FLT1: variants seen among roughly 807,000 people sequenced by gnomAD.
FLT1 encodes the protein vascular endothelial growth factor receptor 1.
In FLT1, 49 loss-of-function variants were observed where a neutral mutation model predicts 156.3. That is an observed-to-expected ratio of 0.31 (90% CI 0.25 to 0.40). The LOEUF (loss-of-function observed/expected upper bound fraction) is 0.40, where lower values mean the gene tolerates loss of function less well. Ranked by LOEUF, FLT1 falls within the 10% of genes least tolerant of loss-of-function variation. The pLI, the probability that FLT1 is intolerant of heterozygous loss-of-function variation, is 1.00. For missense variants in FLT1, 1,322 were observed against 1,637.2 expected, an observed-to-expected ratio of 0.81 and a Z score of 3.32; for synonymous variants, 594 against 583.8, an observed-to-expected ratio of 1.02 and a Z score of -0.25.
chr13:28,346,423 C>T (rs532278223), intron 15 of FLT1: 5 of 152,256 alleles, frequency 3.3e-5, no homozygotes, highest in Admixed American at 2.6e-4. Flanking sequence ...AACTTAACTA[C>T]AATGAGACAG....
chr13:28,411,769 T>TA lies in FLT1; in HGVS notation c.1437-5876dup, dbSNP rs563881310. On this transcript the variant is annotated intron_variant, in intron 10 of 29. Transcript: ENST00000282397. ...GAGTACCCAACACCCGATGGCTGCCTATTTGAGCCAGAGCCATTGTCTGGG... is the reference window on the plus strand; with the variant it reads ...GAGTACCCAACACCCGATGGCTGCCTAATTTGAGCCAGAGCCATTGTCTGGG... Among the ~76,000 whole-genome samples, 43 of 152,240 alleles carry TA rather than the reference T, an allele frequency of 2.8e-4. No homozygotes were observed. In the East Asian group the frequency reaches 8.1e-3, roughly 29 times the overall value.
chr13:28,411,055 C>T (rs761982860), intron 10 of FLT1, among the ~76,000 whole-genome samples: 1 of 151,980 alleles, frequency 6.6e-6, no homozygotes, highest in Non-Finnish European at 1.5e-5. Context: ...AGTCAGACAC[C>T]AGGAAAATTA....
At chr13:28,371,233 T>C (rs180813456) in intron 14 of FLT1, among the ~76,000 whole-genome samples, 14 of 152,354 alleles carry the variant, frequency 9.2e-5, no homozygotes, top group Admixed American at 7.2e-4. Flanking sequence ...ATTTTCATCA[T>C]AACAGTGATG....
At chr13:28,389,571 G>C in intron 13 of FLT1, 1 of 1,438,190 alleles carries the variant, frequency 7.0e-7, no homozygotes, top group Middle Eastern at 2.6e-4. Context: ...CTGGGGCCCG[G>C]GGGTCTCATT....
At chr13:28,340,466 A>C (rs1475294303) in intron 16 of FLT1, among the ~76,000 whole-genome samples, 1 of 152,196 alleles carries the variant, frequency 6.6e-6, no homozygotes, top group Non-Finnish European at 1.5e-5. Context: ...TTTCCTGTTA[A>C]TGGGCAAATT....
Position 28,306,726 on chromosome 13 carries a change from T to A in FLT1, c.3767A>T (p.Lys1256Met). 1 of 1,614,034 alleles carries A rather than the reference T, an allele frequency of 6.2e-7. No individual in the cohort carries two copies. Among genetic ancestry groups the A allele is most frequent in the Non-Finnish European group, 8.5e-7 (1 of 1,179,930 alleles). The change falls in exon 29 of 30, where the codon AAG (lysine) becomes ATG (methionine). Residue 1256 changes from lysine (K) to methionine (M), a missense_variant. Physicochemically the swap from Lys to Met is moderately conservative, Grantham distance 95 (BLOSUM62 -1). This residue lies in a region of FLT1 where 329 missense variants were observed against 366.2 expected (regional missense o/e 0.90). Transcript: ENST00000282397. ...TTTGCTGTCAGTCCAGGTGAAGCGC[T>A]TCAGCATGGGAGAGGCCAACAGAGT... ...SSTLLASPMLKRFTWTDSKPK... is the reference protein window; with the variant it reads ...SSTLLASPMLMRFTWTDSKPK...
At chr13:28,422,794 A>T (rs549760049) in intron 10 of FLT1, among the ~76,000 whole-genome samples, 1 of 152,306 alleles carries the variant, frequency 6.6e-6, no homozygotes, top group South Asian at 2.1e-4. Context: ...GACTTTCAAC[A>T]TCTTAGATTC....
rs1872238347 is a variant in FLT1 at position 28,339,245 on chromosome 13, A to G, written c.2411T>C (p.Val804Ala). The G allele has an allele frequency of 6.2e-7, 1 of 1,609,326 alleles. No homozygotes were observed. Among genetic ancestry groups the G allele is most frequent in the Non-Finnish European group, 8.5e-7 (1 of 1,175,780 alleles). The change falls in exon 17 of 30, where the codon GTT (valine) becomes GCT (alanine). Residue 804 changes from valine to alanine, a missense_variant. Physicochemically the swap from Val to Ala is moderately conservative, Grantham distance 64. This residue lies in a region of FLT1 where 991 missense variants were observed against 1,254.8 expected (regional missense o/e 0.79). Coordinates refer to ENST00000282397, the MANE Select transcript of FLT1 (RefSeq NM_002019.4). ...YLSIIMDPDEVPLDEQCERLP... is the reference protein window; with the variant it reads ...YLSIIMDPDEAPLDEQCERLP... ...CCGCTCACACTGCTCATCCAAAGGA[A>G]CTTCATCTGGGTCCATTATAATTGA...
chr13:28,417,994 C>T (rs939843791), intron 10 of FLT1, among the ~76,000 whole-genome samples: 1 of 151,730 alleles, frequency 6.6e-6, no homozygotes. Flanking sequence ...CCACTGAGGG[C>T]TGAGTGCTTG....
At chr13:28,334,233 G>A (rs186244340) in intron 17 of FLT1, 104 bp from the exon 18 acceptor site, 2 of 809,030 alleles carry the variant, frequency 2.5e-6, no homozygotes, top group East Asian at 2.4e-5. Flanking sequence ...TGTGAGGCAT[G>A]GAATCTCCAG....
chr13:28,412,334 C>CTTTCTTTCTTTCT lies in FLT1; in HGVS notation c.1437-6453_1437-6441dup, dbSNP rs1876275371. Among the ~76,000 whole-genome samples the CTTTCTTTCTTTCT allele has an allele frequency of 2.4e-3, 144 of 59,208 alleles. 9 individuals carry two copies. Among genetic ancestry groups the CTTTCTTTCTTTCT allele is most frequent in the Non-Finnish European group, 3.2e-3 (88 of 27,334 alleles). 38.8% of individuals were successfully genotyped at this position (59,208 alleles called of 152,430 possible). A position where few individuals can be genotyped will look rare whatever the true frequency, so the allele number is the denominator to read the frequency against. ...CTTTCTTTCTTTCTTTCTTTCTTTT[C>CTTTCTTTCTTTCT]TTTCTTTCTTTCTTTCTCTTTCTTT... On this transcript the variant is annotated intron_variant, in intron 10 of 29. Transcript: ENST00000282397.
At chr13:28,397,372 A>G (rs1875110220) in intron 11 of FLT1, among the ~76,000 whole-genome samples, 1 of 152,156 alleles carries the variant, frequency 6.6e-6, no homozygotes. Context: ...GTGGGACTGC[A>G]CGTCCTACCC....
At chr13:28,396,803 A>G (rs1466254670) in intron 12 of FLT1, 157 bp downstream of exon 12, 1 of 703,972 alleles carries the variant, frequency 1.4e-6, no homozygotes, top group South Asian at 1.5e-5. Context: ...ATGAGGTAGA[A>G]TTCTATTCCT....
chr13:28,320,115 G>A lies in FLT1; in HGVS notation c.3175-581C>T, dbSNP rs763993746. Reference sequence around the variant, plus strand: ...TCTTTCAGATAGCAGGAATCCCAGTGAGTTAGGCCTCACCACTTTAGATGA... The same window carrying A: ...TCTTTCAGATAGCAGGAATCCCAGTAAGTTAGGCCTCACCACTTTAGATGA... On this transcript the variant is annotated intron_variant, in intron 23 of 29. Transcript: ENST00000282397. Among the ~76,000 whole-genome samples, 141 of 152,120 alleles carry A rather than the reference G, an allele frequency of 9.3e-4. 1 individual carries two copies. Among genetic ancestry groups the A allele is most frequent in the Non-Finnish European group, 1.2e-3 (83 of 68,030 alleles).
intron 3 of FLT1, among the ~76,000 whole-genome samples, chr13:28,448,935 C>A (rs1878767147): frequency 6.6e-6 from 1 of 152,040 alleles, no homozygotes; most frequent in Non-Finnish European, 1.5e-5. Context: ...CCAGTTTAGG[C>A]CACTCACAAA....
chr13:28,393,245 C>T (rs936090628), intron 12 of FLT1, among the ~76,000 whole-genome samples: 41 of 152,188 alleles, frequency 2.7e-4, no homozygotes, highest in African/African-American at 9.9e-4. Flanking sequence ...ACGAAAGTGT[C>T]ATCTATTTAT....
At chr13:28,343,129 A>C (rs964114670) in intron 16 of FLT1, among the ~76,000 whole-genome samples, 1 of 151,942 alleles carries the variant, frequency 6.6e-6, no homozygotes, top group African/African-American at 2.4e-5. Context: ...ACTACAGGCA[A>C]GTGCCATCAC....
rs772553775 is a variant in FLT1 at position 28,317,514 on chromosome 13, A to G, written c.3370T>C (p.Tyr1124His). Residue 1124 changes from tyrosine to histidine, a missense_variant, in exon 25 of 30, where the codon TAC becomes CAC. Around this residue, in one of 3 missense-constraint regions of FLT1, gnomAD observed 329 missense variants for 366.2 expected, o/e 0.90. Transcript: ENST00000282397. The part of the protein sequence containing the change: ...REGMRMRAPE[Y>H]STPEIYQIML... ...AGGGCTCACATTTCAGGAGTAGAGT[A>G]CTCAGGAGCTCTCATCCTCATGCCT... is the stretch of plus-strand genomic sequence containing the variant. The G allele has an allele frequency of 6.2e-7, 1 of 1,610,938 alleles. No individual in the cohort carries two copies. The highest frequency in any genetic ancestry group is 8.5e-7 in the Non-Finnish European group (1 of 1,177,342).
intron 4 of FLT1, among the ~76,000 whole-genome samples, chr13:28,436,616 C>G (rs1429608961): frequency 6.6e-6 from 1 of 152,184 alleles, no homozygotes; most frequent in Non-Finnish European, 1.5e-5. Flanking sequence ...GAACGTTTCC[C>G]TCTCCACGTG....
Sources: allele counts gnomAD v4.1 joint callset (sites outside exome capture counted in the v4.1 genomes callset), GRCh38; gene constraint gnomAD v4.1.1; regional missense constraint gnomAD v4.1.1; transcripts MANE v1.5; gene names NCBI Gene and HGNC (gene_info 2026-07-23, HGNC 2026-07-21).